The following FBN3 variants were observed in gnomAD, a reference collection of about 807,000 sequenced individuals.
FBN3 encodes fibrillin 3, also known as fibrillin-3.
FBN3 carries 234 observed loss-of-function variants against 330.1 expected under a neutral mutation model. The ratio of observed to expected loss-of-function variants is 0.71; its 90% CI spans 0.64 to 0.79. The LOEUF (loss-of-function observed/expected upper bound fraction) is 0.79. Among genes scored for constraint, FBN3 ranks in the 30% least tolerant of loss-of-function variants. The pLI, the probability that FBN3 is intolerant of heterozygous loss-of-function variation, is 0.00. For missense variants in FBN3, 3,606 were observed against 3,886.9 expected (o/e 0.93, Z 1.92); for synonymous variants, 1,458 against 1,517.3 (o/e 0.96, Z 0.91).
chr19:8,126,388 C>A (rs1429690856), intron 20 of FBN3, 41 bp from the exon 21 acceptor site: 1 of 1,583,706 alleles, frequency 6.3e-7, no homozygotes, highest in Non-Finnish European at 8.6e-7. Context: ...GAGTCATTTT[C>A]TCATGCCAGC....
At chr19:8,093,213 C>T (rs1044100447) in intron 47 of FBN3, among the ~76,000 whole-genome samples, 4 of 152,122 alleles carry the variant, frequency 2.6e-5, no homozygotes, top group Non-Finnish European at 4.4e-5. Flanking sequence ...ATAGGCCGGG[C>T]ATGGTGACTC....
chr19:8,135,935 TGCCCACC>T lies in FBN3; in HGVS notation c.1591+19_1591+25del. On this transcript the variant is annotated intron_variant, in intron 13 of 63. Coordinates refer to ENST00000600128, the MANE Select transcript of FBN3 (RefSeq NM_032447.5). ...GCAGCTAGTGGGGCCCGGAAGCCCC[TGCCCACC>T]CGCCCACCCCCAACTCACCCACACA... The T allele has an allele frequency of 2.2e-6, 3 of 1,344,150 alleles. No homozygotes were observed. Among genetic ancestry groups the T allele is most frequent in the Admixed American group, 2.3e-5 (1 of 42,554 alleles). 83.3% of individuals were successfully genotyped at this position (1,344,150 alleles called of 1,614,324 possible). A position where few individuals can be genotyped will look rare whatever the true frequency, so the allele number is the denominator to read the frequency against.
Position 8,145,932 on chromosome 19 carries a change from C to A in FBN3, c.356G>T (p.Gly119Val). The change falls in exon 5 of 64, where the codon GGG becomes GTG. Residue 119 changes from glycine to valine, a missense_variant. Physicochemically the swap from Gly to Val is moderately radical, Grantham distance 109. Coordinates refer to ENST00000600128, the MANE Select transcript of FBN3 (RefSeq NM_032447.5). ...CCCATTCATACAGCTCACACTGCAC[C>A]CTGACCCTGGGGACAGGAAGGCAGG... ...APSCGVSRGS[G>V]CSVSCMNGGT... is the part of the protein sequence containing the mutation. The A allele has an allele frequency of 5.8e-6, 9 of 1,551,206 alleles. No individual in the cohort carries two copies. Among genetic ancestry groups the A allele is most frequent in the Non-Finnish European group, 7.8e-6 (9 of 1,146,914 alleles).
rs1382621727 is a variant in FBN3 at position 8,135,996 on chromosome 19, C to T, written c.1556G>A (p.Gly519Asp). The T allele has an allele frequency of 1.3e-6, 2 of 1,509,558 alleles. No individual in the cohort carries two copies. The highest frequency in any genetic ancestry group is 1.8e-6 in the Non-Finnish European group (2 of 1,120,030). The allele number at this position is 1,509,558 out of a possible 1,614,324, so 93.5% of individuals were successfully genotyped here. ...EGSFQCVCNA[G>D]FELSPDGKNC... ...CTTGCCGTCAGGGCTGAGCTCGAAG[C>T]CTGCATTGCAGACACACTGGAAGCT... is the stretch of plus-strand genomic sequence containing the variant. The change falls in exon 13 of 64, where the codon GGC becomes GAC. Residue 519 changes from glycine (G) to aspartate (D), a missense_variant. Coordinates refer to ENST00000600128, the MANE Select transcript of FBN3 (RefSeq NM_032447.5).
intron 32 of FBN3, 140 bp from the exon 33 acceptor site, chr19:8,111,323 T>G (rs1445343910): frequency 1.8e-5 from 20 of 1,131,474 alleles, no homozygotes; most frequent in Non-Finnish European, 2.3e-5. Flanking sequence ...AGTCCCTGAC[T>G]TGGGGGTGGG....
At chr19:8,070,298 A>T (rs1480246414) in intron 63 of FBN3, among the ~76,000 whole-genome samples, 2 of 152,096 alleles carry the variant, frequency 1.3e-5, no homozygotes, top group African/African-American at 4.8e-5. Flanking sequence ...CATATTTGTC[A>T]TGTGTTATAA....
Position 8,138,575 on chromosome 19 carries a change from T to C in FBN3, c.866-11A>G, listed in dbSNP as rs1391279314. ...CGCCGGCCCGGTAGTCTGCAAAAGATCAGAGGGTGAGCCCATGAGCACAGG... is the reference window on the plus strand; with the variant it reads ...CGCCGGCCCGGTAGTCTGCAAAAGACCAGAGGGTGAGCCCATGAGCACAGG... On this transcript the variant is annotated splice_polypyrimidine_tract_variant and intron_variant, in intron 8 of 63. Coordinates refer to ENST00000600128, the MANE Select transcript of FBN3 (RefSeq NM_032447.5). The C allele has an allele frequency of 6.3e-7, 1 of 1,597,138 alleles. No individual in the cohort carries two copies. The highest frequency in any genetic ancestry group is 1.1e-5 in the South Asian group (1 of 89,282).
rs2082096294 is a variant in FBN3 at position 8,091,580 on chromosome 19, C to T, written c.5916G>A (p.Glu1972=). The T allele has an allele frequency of 1.9e-6, 3 of 1,613,976 alleles. No individual in the cohort carries two copies. The highest frequency in any genetic ancestry group is 1.1e-5 in the South Asian group (1 of 91,076). ...GGCAGAGGTTGGGCTCCTCTGAGCA[C>T]TCGTCGATATCTGGAAGGGCAGGGA... The part of the protein sequence containing the change: ...VQSDHCIDID[E]CSEEPNLCLF... Residue 1972 remains glutamate (E), a synonymous_variant, in exon 48 of 64, where the codon GAG becomes GAA. Transcript: ENST00000600128.
rs774056144 is a variant in FBN3, at chr19:8,073,150, C to A, written c.7850G>T (p.Arg2617Leu). Residue 2617 changes from arginine (R) to leucine (L), a missense_variant, in exon 62 of 64, where the codon CGG (arginine) becomes CTG (leucine). Arg to Leu is a moderately radical substitution (Grantham distance 102, BLOSUM62 -2). Coordinates refer to ENST00000600128, the MANE Select transcript of FBN3 (RefSeq NM_032447.5). ...ACAGCTGTAGCTACAGGGGCCACGC[C>A]GTCCGGCGCACTCATCCACCTCCTG... is the stretch of plus-strand genomic sequence containing the variant. ...GCQEVDECAG[R>L]RGPCSYSCAN... 2.5e-5 allele frequency: 41 copies of A among 1,613,772 alleles called. No homozygotes were observed. Among genetic ancestry groups the A allele is most frequent in the Non-Finnish European group, 3.3e-5 (39 of 1,179,974 alleles).
At chr19:8,101,672 A>T (rs543342649) in intron 40 of FBN3, among the ~76,000 whole-genome samples, 66 of 146,456 alleles carry the variant, frequency 4.5e-4, no homozygotes, top group South Asian at 8.7e-4. Context: ...CTCCCACCCT[A>T]TCCCAGCCCA....
intron 47 of FBN3, among the ~76,000 whole-genome samples, chr19:8,093,427 T>A (rs1008665100): frequency 1.3e-5 from 2 of 151,820 alleles, no homozygotes; most frequent in Non-Finnish European, 2.9e-5. Flanking sequence ...ATCGAGAGCA[T>A]CCTGGCTAAC....
Position 8,089,921 on chromosome 19 carries a change from C to A in FBN3, c.6223G>T (p.Val2075Phe). The A allele has an allele frequency of 6.2e-7, 1 of 1,606,312 alleles. No homozygotes were observed. The highest frequency in any genetic ancestry group is 8.5e-7 in the Non-Finnish European group (1 of 1,177,120). Residue 2075 changes from valine (V) to phenylalanine (F), a missense_variant, in exon 50 of 64, where the codon GTC becomes TTC. By Grantham distance (50) the Val-to-Phe change is conservative. Coordinates refer to ENST00000600128, the MANE Select transcript of FBN3 (RefSeq NM_032447.5). ...TCTCGGGAGTCATCCGGGCCTGGGA[C>A]TGCCCCGTGGCCAAAGGGGCAGAGC... ...QELCPFGHGA[V>F]PGPDDSREDV... is the part of the protein sequence containing the mutation.
At chr19:8,138,097 ATC>A (rs1234870107) in intron 10 of FBN3, 42 bp downstream of exon 10, 1 of 1,540,142 alleles carries the variant, frequency 6.5e-7, no homozygotes, top group East Asian at 2.3e-5. Context: ...ATCCAGGACC[ATC>A]CTTCAAGTCT....
At position 8,065,567 on chromosome 19, in the gene FBN3, C is replaced by A; in HGVS notation, c.*352G>T. On this transcript the variant is annotated 3_prime_UTR_variant, in exon 64 of 64. Transcript: ENST00000600128. ...CCAGTTGCCCATTGCCATGTCCTGC[C>A]AACCCCCTGCCCCCCGCCAGGGCAA... The A allele has an allele frequency of 3.9e-6, 1 of 258,588 alleles. No homozygotes were observed. The highest frequency in any genetic ancestry group is 7.3e-6 in the Non-Finnish European group (1 of 137,448). 16.0% of individuals were successfully genotyped at this position (258,588 alleles called of 1,614,324 possible). A position where few individuals can be genotyped will look rare whatever the true frequency, so the allele number is the denominator to read the frequency against.
intron 13 of FBN3, 25 bp downstream of exon 13, chr19:8,135,936 G>GGGGGGGGGGGGGGGGGGGGGGGCCCCC: frequency 1.5e-6 from 1 of 668,774 alleles, no homozygotes; most frequent in Non-Finnish European, 2.4e-6. Flanking sequence ...GGAAGCCCCT[G>GGGGGGGGGGGGGGGGGGGGGGGCCCCC]CCCACCCGCC....
In FBN3 at chr19:8,144,970, TG is replaced by T; in HGVS notation, c.447del (p.Ile150SerfsTer42). The T allele has an allele frequency of 9.3e-6, 15 of 1,608,668 alleles. No homozygotes were observed. Among genetic ancestry groups the T allele is most frequent in the Non-Finnish European group, 1.2e-5 (14 of 1,178,536 alleles). On this transcript the variant is annotated frameshift_variant and splice_region_variant, in exon 6 of 64. Transcript: ENST00000600128. LOFTEE classifies it high-confidence loss of function. ...KGYTGTVCGQ[P>X]ICDRGCHNGG... ...CCATTGTGGCAGCCGCGGTCACAGATGGCTGTGGAGGAGAGAGGGTGATGGC... is the reference window on the plus strand; with the variant it reads ...CCATTGTGGCAGCCGCGGTCACAGATGCTGTGGAGGAGAGAGGGTGATGGC...
intron 13 of FBN3, 27 bp downstream of exon 13, chr19:8,135,934 C>CAGGGGGG: frequency 1.6e-6 from 2 of 1,284,380 alleles, no homozygotes; most frequent in Non-Finnish European, 1.1e-6. Flanking sequence ...CCGGAAGCCC[C>CAGGGGGG]TGCCCACCCG....
At position 8,133,004 on chromosome 19, in the gene FBN3, G is replaced by C; in HGVS notation, c.1694C>G (p.Pro565Arg). The C allele has an allele frequency of 6.4e-7, 1 of 1,570,986 alleles. No individual in the cohort carries two copies. The highest frequency in any genetic ancestry group is 8.6e-7 in the Non-Finnish European group (1 of 1,161,418). Reference protein sequence around the residue: ...CLCKPGFLLAPGGHYCMDIDE... With the variant: ...CLCKPGFLLARGGHYCMDIDE... Reference sequence around the variant, plus strand: ...CTCACCCATGCAGTAGTGGCCGCCAGGCGCCAGCAGGAAGCCGGGTTTGCA... The same window carrying C: ...CTCACCCATGCAGTAGTGGCCGCCACGCGCCAGCAGGAAGCCGGGTTTGCA... Residue 565 changes from proline (P) to arginine (R), a missense_variant, in exon 14 of 64, where the codon CCT becomes CGT. Coordinates refer to ENST00000600128, the MANE Select transcript of FBN3 (RefSeq NM_032447.5).
chr19:8,068,460 G>A (rs2081439261), intron 63 of FBN3, among the ~76,000 whole-genome samples: 1 of 151,692 alleles, frequency 6.6e-6, no homozygotes, highest in African/African-American at 2.4e-5. Context: ...ACTTTGGGAA[G>A]CTGAAGTGGG....
Sources: gnomAD v4.1 joint callset for allele counts (sites outside exome capture counted in the v4.1 genomes callset) on GRCh38, gnomAD v4.1.1 for gene constraint, MANE v1.5 for transcripts, NCBI Gene and HGNC (gene_info 2026-07-23, HGNC 2026-07-21) for gene names.